CTNND2: variants seen among roughly 807,000 people sequenced by gnomAD.
CTNND2 encodes the protein catenin delta-2.
CTNND2 carries 22 observed loss-of-function variants against 144.4 expected under a neutral mutation model. The ratio of observed to expected loss-of-function variants is 0.15; its 90% CI spans 0.11 to 0.22. CTNND2 has a LOEUF of 0.22. Among genes scored for constraint, CTNND2 ranks in the 10% least tolerant of loss-of-function variants. The pLI is 1.00. For synonymous variants in CTNND2, 751 were observed against 695.6 expected (o/e 1.08, Z -1.25); for missense variants, 1,353 against 1,618.8 (o/e 0.84, Z 2.82).
At chr5:11,901,678 C>A (rs956311602) in intron 1 of CTNND2, among the ~76,000 whole-genome samples, 2 of 152,132 alleles carry the variant, frequency 1.3e-5, no homozygotes, top group Admixed American at 6.5e-5. Context: ...AGGGCAACAA[C>A]CTCACGTACT....
chr5:11,503,934 G>A (rs924100968), intron 3 of CTNND2, among the ~76,000 whole-genome samples: 3 of 152,086 alleles, frequency 2.0e-5, no homozygotes, highest in African/African-American at 7.3e-5. Flanking sequence ...CAGAATGAAG[G>A]ACAACACATA....
intron 2 of CTNND2, among the ~76,000 whole-genome samples, chr5:11,612,452 T>C (rs1312132608): frequency 1.3e-5 from 2 of 152,198 alleles, no homozygotes; most frequent in South Asian, 2.1e-4. Context: ...CTAAGATACA[T>C]GGGATCTTAG....
At chr5:11,292,123 T>A (rs1264767926) in intron 9 of CTNND2, among the ~76,000 whole-genome samples, 1 of 152,124 alleles carries the variant, frequency 6.6e-6, no homozygotes, top group African/African-American at 2.4e-5. Flanking sequence ...GTTATCTGCA[T>A]TGCCATGTAA....
chr5:11,212,961 G>A (rs147425807), intron 10 of CTNND2, among the ~76,000 whole-genome samples: 106 of 152,320 alleles, frequency 7.0e-4, no homozygotes, highest in African/African-American at 1.5e-3. Context: ...GGGAGGTTGT[G>A]GCCAGGAAGA....
Position 11,887,110 on chromosome 5 carries a change from G to A in CTNND2, c.37+16707C>T, listed in dbSNP as rs574514024. On this transcript the variant is annotated intron_variant, in intron 1 of 21. Transcript: ENST00000304623. ...TCCATTCTTCTGCCTCAGCCTCCCC[G>A]GCAGCTGGGACTACAGGCGCATACC... Among the ~76,000 whole-genome samples, 446 of 147,462 alleles carry A rather than the reference G, an allele frequency of 3.0e-3. 5 individuals carry two copies. Among genetic ancestry groups the A allele is most frequent in the Middle Eastern group, 0.018 (5 of 272 alleles).
Position 11,253,527 on chromosome 5 carries a change from A to G in CTNND2, c.1629-16704T>C, listed in dbSNP as rs561131521. ...CTCTCATTCTCTCTTGCCTGCTGCC[A>G]TGTAAGACATGCCTTTCACCTTCCA... On this transcript the variant is annotated intron_variant, in intron 9 of 21. Coordinates refer to ENST00000304623, the MANE Select transcript of CTNND2 (RefSeq NM_001332.4). Among the ~76,000 whole-genome samples the G allele has an allele frequency of 1.8e-3, 276 of 152,278 alleles. 1 individual carries two copies. The highest frequency in any genetic ancestry group is 2.4e-3 in the African/African-American group (101 of 41,560).
chr5:11,570,745 T>A (rs1158724237), intron 2 of CTNND2, among the ~76,000 whole-genome samples: 3 of 152,176 alleles, frequency 2.0e-5, no homozygotes, highest in African/African-American at 4.8e-5. Context: ...GTTTGCTGGA[T>A]ATTTTGTGAT....
intron 9 of CTNND2, among the ~76,000 whole-genome samples, chr5:11,287,933 T>C (rs1003674874): frequency 3.9e-5 from 6 of 152,216 alleles, no homozygotes; most frequent in African/African-American, 1.2e-4. Context: ...TCCTCAGCTG[T>C]AGTTTTTTTA....
chr5:11,680,339 C>T (rs1164788015), intron 2 of CTNND2, among the ~76,000 whole-genome samples: 1 of 152,140 alleles, frequency 6.6e-6, no homozygotes, highest in Non-Finnish European at 1.5e-5. Context: ...ACCCACACCC[C>T]CACATTTGGC....
chr5:11,744,354 G>A (rs962799272), intron 1 of CTNND2, among the ~76,000 whole-genome samples: 1 of 152,206 alleles, frequency 6.6e-6, no homozygotes, highest in Non-Finnish European at 1.5e-5. Flanking sequence ...CAAGGAAGAT[G>A]CGCGACGGCC....
chr5:11,370,801 G>T (rs1193479283), intron 7 of CTNND2, among the ~76,000 whole-genome samples: 6 of 152,216 alleles, frequency 3.9e-5, no homozygotes, highest in African/African-American at 1.4e-4. Context: ...GGGAGAAAAA[G>T]AAGGGTCTAA....
At chr5:11,881,439 C>A (rs1168586648) in intron 1 of CTNND2, among the ~76,000 whole-genome samples, 1 of 152,082 alleles carries the variant, frequency 6.6e-6, no homozygotes, top group Non-Finnish European at 1.5e-5. Context: ...TCCCTCCCCA[C>A]TATCCTTCTC....
At chr5:11,901,717 A>G (rs1346827976) in intron 1 of CTNND2, among the ~76,000 whole-genome samples, 1 of 152,192 alleles carries the variant, frequency 6.6e-6, no homozygotes, top group African/African-American at 2.4e-5. Flanking sequence ...ATCAGATAAT[A>G]TCATTTTCAA....
intron 1 of CTNND2, among the ~76,000 whole-genome samples, chr5:11,838,526 C>T (rs1794296547): frequency 1.3e-5 from 2 of 152,016 alleles, no homozygotes; most frequent in African/African-American, 4.8e-5. Context: ...ATGGACGTTG[C>T]TGGGGTTTGA....
intron 16 of CTNND2, among the ~76,000 whole-genome samples, chr5:11,060,022 T>C (rs909188841): frequency 6.6e-6 from 1 of 152,202 alleles, no homozygotes; most frequent in African/African-American, 2.4e-5. Flanking sequence ...AGGTGTCTAA[T>C]GGTCCTCTAT....
chr5:11,412,086 A>G lies in CTNND2; in HGVS notation c.288-17T>C. On this transcript the variant is annotated splice_polypyrimidine_tract_variant and intron_variant, in intron 3 of 21. Transcript: ENST00000304623. ...TCTGCTGAACTGTAAAAAAGAAAAT[A>G]CAGAGATATAATGCATTGATTAGAA... The G allele has an allele frequency of 6.2e-7, 1 of 1,601,552 alleles. No individual in the cohort carries two copies. The highest frequency in any genetic ancestry group is 8.6e-7 in the Non-Finnish European group (1 of 1,168,952).
intron 1 of CTNND2, among the ~76,000 whole-genome samples, chr5:11,815,509 T>A (rs969291189): frequency 3.3e-5 from 5 of 152,216 alleles, no homozygotes; most frequent in African/African-American, 1.2e-4. Context: ...TTATGATCAG[T>A]TGTTCTCTAG....
chr5:11,326,708 T>G (rs939222143), intron 9 of CTNND2, among the ~76,000 whole-genome samples: 1 of 152,108 alleles, frequency 6.6e-6, no homozygotes, highest in African/African-American at 2.4e-5. Context: ...CCAAACTGCA[T>G]GACAATGTGT....
intron 2 of CTNND2, among the ~76,000 whole-genome samples, chr5:11,612,118 C>A (rs1780362380): frequency 6.6e-6 from 1 of 152,120 alleles, no homozygotes; most frequent in African/African-American, 2.4e-5. Context: ...TTAAAACTAA[C>A]AATGTATATA....
Sources: gnomAD v4.1 joint callset for allele counts (sites outside exome capture counted in the v4.1 genomes callset) on GRCh38, gnomAD v4.1.1 for gene constraint, MANE v1.5 for transcripts, NCBI Gene and HGNC (gene_info 2026-07-23, HGNC 2026-07-21) for gene names.